Variants in OSBPL3 observed in about 807,000 individuals in gnomAD.
OSBPL3 encodes the protein oxysterol binding protein like 3, also known as oxysterol-binding protein-related protein 3.
Under a neutral mutation model 120.1 loss-of-function variants are expected in OSBPL3, and 65 were observed. The observed-to-expected ratio is 0.54, with a 90% CI of 0.44 to 0.67. OSBPL3 has a LOEUF of 0.67. Among genes scored for constraint, OSBPL3 ranks in the 30% least tolerant of loss-of-function variants. The pLI is 0.00. For missense variants in OSBPL3, 1,004 were observed against 1,082.1 expected (o/e 0.93, Z 1.01); for synonymous variants, 416 against 402.6 (o/e 1.03, Z -0.40).
rs1816170534 is a variant in OSBPL3, at chr7:24,964,627, A to G, written c.-150+15259T>C. 6.6e-6 allele frequency among the ~76,000 whole-genome samples: 1 copy of G among 152,232 alleles called. No homozygotes were observed. The highest frequency in any genetic ancestry group is 2.1e-4 in the South Asian group (1 of 4,826). On this transcript the variant is annotated intron_variant, in intron 1 of 22. Transcript: ENST00000313367. This position sits in a 1 kb window ranked among gnomAD's most constrained non-coding sequence, Gnocchi z 4.2. ...CAACCAAGATAATGTAGAACCCCAC[A>G]TGGAGTCCTGGAACGGCAAAAGGAC...
At chr7:24,825,424 T>G (rs1795593842) in intron 16 of OSBPL3, among the ~76,000 whole-genome samples, 1 of 152,224 alleles carries the variant, frequency 6.6e-6, no homozygotes, top group Non-Finnish European at 1.5e-5. Flanking sequence ...TTATTTTCCC[T>G]TCTCCCATGT....
chr7:24,848,752 G>A (rs538503484), intron 12 of OSBPL3, among the ~76,000 whole-genome samples: 1 of 151,388 alleles, frequency 6.6e-6, no homozygotes, highest in African/African-American at 2.4e-5. Flanking sequence ...AAGAGAAAAT[G>A]TTTATCTCTC....
intron 7 of OSBPL3, among the ~76,000 whole-genome samples, chr7:24,865,141 C>T (rs1390592034): frequency 6.6e-6 from 1 of 152,198 alleles, no homozygotes; most frequent in African/African-American, 2.4e-5. Flanking sequence ...AGAAACCTGT[C>T]TGCATGTACA....
intron 1 of OSBPL3, among the ~76,000 whole-genome samples, chr7:24,943,940 G>C (rs2128486532): frequency 6.6e-6 from 1 of 152,228 alleles, no homozygotes; most frequent in Non-Finnish European, 1.5e-5. Flanking sequence ...AACTGGAAGA[G>C]ACAATAATAG....
In OSBPL3 at chr7:24,800,027, G is replaced by T; in HGVS notation, c.*156C>A. 1 of 428,814 alleles carries T rather than the reference G, an allele frequency of 2.3e-6. No homozygotes were observed. Among genetic ancestry groups the T allele is most frequent in the Non-Finnish European group, 4.2e-6 (1 of 237,282 alleles). The allele number at this position is 428,814 out of a possible 1,614,324, so 26.6% of individuals were successfully genotyped here. Reference sequence around the variant, plus strand: ...GTAACATTTGAAATTGTAAAGAAACGCACTGAGGAAAATATAGACTTAAAG... The same window carrying T: ...GTAACATTTGAAATTGTAAAGAAACTCACTGAGGAAAATATAGACTTAAAG... On this transcript the variant is annotated 3_prime_UTR_variant, in exon 23 of 23. Coordinates refer to ENST00000313367, the MANE Select transcript of OSBPL3 (RefSeq NM_015550.4).
intron 1 of OSBPL3, among the ~76,000 whole-genome samples, chr7:24,950,253 A>AAC (rs139948492): frequency 4.0e-5 from 6 of 151,874 alleles, no homozygotes; most frequent in African/African-American, 7.2e-5. Flanking sequence ...AATACACACA[A>AAC]ACACACACAC....
intron 1 of OSBPL3, among the ~76,000 whole-genome samples, chr7:24,904,193 T>C (rs531569613): frequency 6.6e-6 from 1 of 152,290 alleles, no homozygotes; most frequent in South Asian, 2.1e-4. Context: ...ACTGGATGTT[T>C]TCTTAACAGC....
Position 24,849,195 on chromosome 7 carries a change from G to C in OSBPL3, c.1159-19C>G. 2 of 1,570,590 alleles carry C rather than the reference G, an allele frequency of 1.3e-6. No individual in the cohort carries two copies. Among genetic ancestry groups the C allele is most frequent in the Non-Finnish European group, 1.8e-6 (2 of 1,141,358 alleles). On this transcript the variant is annotated intron_variant, in intron 11 of 22. Coordinates refer to ENST00000313367, the MANE Select transcript of OSBPL3 (RefSeq NM_015550.4). The surrounding 1 kb of genome is among the most constrained non-coding windows in gnomAD (Gnocchi z 5.4). The stretch of plus-strand genomic sequence containing the variant: ...CTAGGGCCTGGAACATGTTAAAATA[G>C]TGGGGCTCTGTTAATAAATGGATGT...
At chr7:24,837,189 C>A (rs527429048) in intron 14 of OSBPL3, among the ~76,000 whole-genome samples, 5 of 152,104 alleles carry the variant, frequency 3.3e-5, no homozygotes, top group African/African-American at 9.6e-5. Flanking sequence ...CTGCAAATGG[C>A]AGTTTTAAAA....
At chr7:24,929,325 T>C in intron 1 of OSBPL3, among the ~76,000 whole-genome samples, 1 of 152,346 alleles carries the variant, frequency 6.6e-6, no homozygotes, top group African/African-American at 2.4e-5. Flanking sequence ...TTGTCGTAAA[T>C]TTTATCACCA....
At chr7:24,897,077 G>C in intron 1 of OSBPL3, among the ~76,000 whole-genome samples, 1 of 146,284 alleles carries the variant, frequency 6.8e-6, no homozygotes, top group East Asian at 2.3e-4. Context: ...GGGAGGGAGG[G>C]AAGAGAGGGA....
In OSBPL3 at chr7:24,835,072, T is replaced by A. The variant is rs969428039; in HGVS notation, c.1496-336A>T. 6.6e-6 allele frequency among the ~76,000 whole-genome samples: 1 copy of A among 152,240 alleles called. No individual in the cohort carries two copies. Among genetic ancestry groups the A allele is most frequent in the Middle Eastern group, 3.2e-3 (1 of 316 alleles). ...ATTGTTTATAAAAACTTGTAAACTTTTTAAAAAATCACTTTAAATTCTGGT... is the reference window on the plus strand; with the variant it reads ...ATTGTTTATAAAAACTTGTAAACTTATTAAAAAATCACTTTAAATTCTGGT... On this transcript the variant is annotated intron_variant, in intron 14 of 22. Transcript: ENST00000313367. This position sits in a 1 kb window ranked among gnomAD's most constrained non-coding sequence, Gnocchi z 4.8.
At chr7:24,814,459 T>TAA (rs879840354) in intron 19 of OSBPL3, among the ~76,000 whole-genome samples, 8 of 142,710 alleles carry the variant, frequency 5.6e-5, no homozygotes, top group African/African-American at 1.8e-4. Flanking sequence ...AGCATGACAT[T>TAA]AAAAAAAAAA....
intron 1 of OSBPL3, among the ~76,000 whole-genome samples, chr7:24,941,623 T>C (rs1229618383): frequency 2.6e-5 from 4 of 152,182 alleles, no homozygotes; most frequent in Admixed American, 6.6e-5. Context: ...AGCACCTGCA[T>C]CCCGTAAGAT....
chr7:24,942,650 T>C (rs1037867419), intron 1 of OSBPL3, among the ~76,000 whole-genome samples: 1 of 152,240 alleles, frequency 6.6e-6, no homozygotes, highest in African/African-American at 2.4e-5. Flanking sequence ...TTCAGTTCCT[T>C]TTCTGAAACC....
At position 24,913,649 on chromosome 7, in the gene OSBPL3, G is replaced by A. The variant is rs759258605; in HGVS notation, c.-149-21028C>T. 6.6e-6 allele frequency among the ~76,000 whole-genome samples: 1 copy of A among 152,058 alleles called. No individual in the cohort carries two copies. The highest frequency in any genetic ancestry group is 6.5e-5 in the Admixed American group (1 of 15,282). ...GACACATGAACCCCTTAAAAACCCTGGAAACATTCCTTTCAGCCCAGACCT... is the reference window on the plus strand; with the variant it reads ...GACACATGAACCCCTTAAAAACCCTAGAAACATTCCTTTCAGCCCAGACCT... On this transcript the variant is annotated intron_variant, in intron 1 of 22. Transcript: ENST00000313367. This position sits in a 1 kb window ranked among gnomAD's most constrained non-coding sequence, Gnocchi z 5.3.
chr7:24,810,279 C>T lies in OSBPL3; in HGVS notation c.2173-328G>A, dbSNP rs147402151. 2.7e-3 allele frequency: 499 copies of T among 188,132 alleles called. 6 individuals are homozygous for T. The highest frequency in any genetic ancestry group is 0.01 in the African/African-American group (439 of 42,160). 11.7% of individuals were successfully genotyped at this position (188,132 alleles called of 1,614,324 possible). On this transcript the variant is annotated intron_variant, in intron 19 of 22. Transcript: ENST00000313367. Reference sequence around the variant, plus strand: ...GTGGCTCACGCCTGTAATCCCAGCACTTTGGAGACCAAGGCAGGCAGATCA... The same window carrying T: ...GTGGCTCACGCCTGTAATCCCAGCATTTTGGAGACCAAGGCAGGCAGATCA...
rs1178189914 is a variant in OSBPL3, at chr7:24,818,188, G to C, written c.1949-1500C>G. Among the ~76,000 whole-genome samples, 2 of 152,144 alleles carry C rather than the reference G, an allele frequency of 1.3e-5. No individual in the cohort carries two copies. The highest frequency in any genetic ancestry group is 4.1e-4 in the South Asian group (2 of 4,824). On this transcript the variant is annotated intron_variant, in intron 17 of 22. Transcript: ENST00000313367. The surrounding 1 kb of genome is among the most constrained non-coding windows in gnomAD (Gnocchi z 4.0). ...GGGGTGGATAATATTTGCTAAAGAGGATTCTTTTTGGAGTGATGAAAATGT... is the reference window on the plus strand; with the variant it reads ...GGGGTGGATAATATTTGCTAAAGAGCATTCTTTTTGGAGTGATGAAAATGT...
chr7:24,905,635 G>A (rs769473783), intron 1 of OSBPL3, among the ~76,000 whole-genome samples: 3 of 152,186 alleles, frequency 2.0e-5, no homozygotes, highest in Non-Finnish European at 2.9e-5. Context: ...TCTGACACGC[G>A]TCCAGGGCTA....
Sources: allele counts gnomAD v4.1 joint callset (sites outside exome capture counted in the v4.1 genomes callset), GRCh38; gene constraint gnomAD v4.1.1; non-coding constraint Gnocchi (gnomAD v3.1); transcripts MANE v1.5; gene names NCBI Gene and HGNC (gene_info 2026-07-23, HGNC 2026-07-21).